The following NCALD variants were observed in gnomAD, a reference collection of about 807,000 sequenced individuals.
The protein encoded by NCALD is neurocalcin-delta.
A neutral mutation model predicts 18.6 loss-of-function variants in NCALD; 10 were observed. The observed-to-expected ratio is 0.54, with a 90% CI of 0.33 to 0.91. The LOEUF is 0.91. Among genes scored for constraint, NCALD ranks in the 40% least tolerant of loss-of-function variants. The probability of loss-of-function intolerance (pLI) is 0.03; values close to 1 mark genes in which losing one functional copy is unlikely to be tolerated. For missense variants in NCALD, 184 were observed against 247.6 expected (o/e 0.74, Z 1.72); for synonymous variants, 88 against 87.4 (o/e 1.01, Z -0.04).
intron 4 of NCALD, among the ~76,000 whole-genome samples, chr8:101,826,369 G>A (rs1205967902): frequency 6.6e-6 from 1 of 150,452 alleles, no homozygotes; most frequent in Non-Finnish European, 1.5e-5. Flanking sequence ...ATTCCTCAGT[G>A]TTTTAGTCTT....
intron 4 of NCALD, among the ~76,000 whole-genome samples, chr8:101,811,592 C>T (rs1476753860): frequency 1.3e-5 from 2 of 152,126 alleles, no homozygotes; most frequent in African/African-American, 4.8e-5. Context: ...ATGGTCTGAG[C>T]AAGACTTTAT....
At chr8:101,899,203 A>C (rs1817325610) in intron 3 of NCALD, among the ~76,000 whole-genome samples, 1 of 152,166 alleles carries the variant, frequency 6.6e-6, no homozygotes, top group Non-Finnish European at 1.5e-5. Context: ...TTGCTAGTAT[A>C]TAAAAGTGTA....
intron 1 of NCALD, among the ~76,000 whole-genome samples, chr8:101,740,568 A>C (rs1448870973): frequency 6.6e-6 from 1 of 152,222 alleles, no homozygotes; most frequent in Non-Finnish European, 1.5e-5. Flanking sequence ...TGTGTGCTTA[A>C]GGAAAAGCTT....
chr8:101,890,037 G>A (rs1816816264), intron 3 of NCALD, among the ~76,000 whole-genome samples: 1 of 152,150 alleles, frequency 6.6e-6, no homozygotes, highest in South Asian at 2.1e-4. Context: ...AATATGAAGA[G>A]CTTGCATTCA....
chr8:101,933,435 G>C (rs775400863), intron 2 of NCALD, among the ~76,000 whole-genome samples: 3 of 152,182 alleles, frequency 2.0e-5, no homozygotes, highest in Non-Finnish European at 4.4e-5. Context: ...TCTCCCTTGA[G>C]AGCCTCCAGA....
intron 1 of NCALD, among the ~76,000 whole-genome samples, chr8:102,047,311 G>A (rs529629531): frequency 2.0e-5 from 3 of 152,122 alleles, no homozygotes; most frequent in Admixed American, 6.5e-5. Context: ...GATATCTGAC[G>A]TGATATTAGT....
intron 2 of NCALD, among the ~76,000 whole-genome samples, chr8:101,979,752 A>G (rs1051400449): frequency 2.0e-5 from 3 of 152,252 alleles, no homozygotes; most frequent in Admixed American, 6.5e-5. Flanking sequence ...ATTATAAAAC[A>G]GAGCAAGAGC....
At chr8:102,070,929 A>T (rs1476216577) in intron 1 of NCALD, among the ~76,000 whole-genome samples, 21 of 152,096 alleles carry the variant, frequency 1.4e-4, no homozygotes, top group Admixed American at 1.3e-3. Context: ...TAAAAATAAC[A>T]TTGCTTTTTG....
intron 3 of NCALD, among the ~76,000 whole-genome samples, chr8:101,899,623 TAC>T (rs1453958170): frequency 2.0e-5 from 3 of 151,962 alleles, no homozygotes; most frequent in Non-Finnish European, 2.9e-5. Flanking sequence ...TGGGTTTCTG[TAC>T]ATCAATTAGT....
intron 2 of NCALD, among the ~76,000 whole-genome samples, chr8:101,712,074 T>C (rs1208159374): frequency 2.6e-5 from 4 of 152,230 alleles, no homozygotes; most frequent in Non-Finnish European, 5.9e-5. Context: ...TGGCTCTCTC[T>C]GCAGAAACCT....
intron 1 of NCALD, among the ~76,000 whole-genome samples, chr8:102,062,596 A>G (rs2132263770): frequency 6.6e-6 from 1 of 152,356 alleles, no homozygotes; most frequent in African/African-American, 2.4e-5. Flanking sequence ...ACACAACCAC[A>G]GAATCTCAGT....
chr8:101,973,759 T>C (rs1017686277), intron 2 of NCALD, among the ~76,000 whole-genome samples: 1 of 152,176 alleles, frequency 6.6e-6, no homozygotes, highest in African/African-American at 2.4e-5. Context: ...CTTCTAACGT[T>C]GCAGAGCACC....
intron 3 of NCALD, among the ~76,000 whole-genome samples, chr8:101,888,909 G>A (rs574957315): frequency 6.6e-6 from 1 of 152,180 alleles, no homozygotes; most frequent in Non-Finnish European, 1.5e-5. Context: ...GACATTGCCA[G>A]TTGCCTATCC....
intron 3 of NCALD, among the ~76,000 whole-genome samples, chr8:101,906,971 T>A (rs759399807): frequency 1.3e-5 from 2 of 152,270 alleles, no homozygotes; most frequent in Non-Finnish European, 2.9e-5. Flanking sequence ...TCAACATTTT[T>A]AATTAAGACA....
intron 1 of NCALD, among the ~76,000 whole-genome samples, chr8:101,786,831 G>T (rs906756862): frequency 5.9e-5 from 9 of 152,014 alleles, no homozygotes; most frequent in African/African-American, 2.2e-4. Context: ...ATATAAAACT[G>T]CATTGTGACC....
intron 4 of NCALD, among the ~76,000 whole-genome samples, chr8:101,821,791 G>A (rs1225708351): frequency 6.7e-6 from 1 of 148,206 alleles, no homozygotes; most frequent in Non-Finnish European, 1.5e-5. Context: ...TTTCTTTGTA[G>A]CAGCACTACA....
intron 1 of NCALD, among the ~76,000 whole-genome samples, chr8:102,033,985 C>A (rs1292904450): frequency 6.8e-6 from 1 of 147,500 alleles, no homozygotes; most frequent in Non-Finnish European, 1.5e-5. Context: ...CTTTCTCTTT[C>A]TTTCTTGCTC....
chr8:102,096,868 G>C (rs1825119722), intron 1 of NCALD, among the ~76,000 whole-genome samples: 1 of 152,030 alleles, frequency 6.6e-6, no homozygotes, highest in Non-Finnish European at 1.5e-5. Flanking sequence ...TGTGCATTTT[G>C]TCCAATTATT....
intron 2 of NCALD, among the ~76,000 whole-genome samples, chr8:102,012,315 C>G (rs1821932358): frequency 6.6e-6 from 1 of 152,230 alleles, no homozygotes; most frequent in Non-Finnish European, 1.5e-5. Context: ...GTCATTTTCT[C>G]TAATTAAGGA....
Sources: gnomAD v4.1 joint callset for allele counts (sites outside exome capture counted in the v4.1 genomes callset) on GRCh38, gnomAD v4.1.1 for gene constraint, MANE v1.5 for transcripts, NCBI Gene and HGNC (gene_info 2026-07-23, HGNC 2026-07-21) for gene names.